The following FSTL5 variants were observed in gnomAD, a reference collection of about 807,000 sequenced individuals.
FSTL5 encodes the protein follistatin-related protein 5.
FSTL5 carries 62 observed loss-of-function variants against 89.1 expected under a neutral mutation model. The ratio of observed to expected loss-of-function variants is 0.70; its 90% CI spans 0.57 to 0.86. The LOEUF (loss-of-function observed/expected upper bound fraction) is 0.86, where lower values mean the gene tolerates loss of function less well. FSTL5 is among the 40% of genes least tolerant of loss of function. The pLI is 0.00. For synonymous variants in FSTL5, 383 were observed against 346.2 expected (o/e 1.11, Z -1.18); for missense variants, 1,057 against 1,001.6 (o/e 1.06, Z -0.75).
chr4:161,987,203 CT>C (rs1201927102), intron 3 of FSTL5, among the ~76,000 whole-genome samples: 6 of 151,998 alleles, frequency 3.9e-5, no homozygotes, highest in African/African-American at 4.8e-5. Context: ...ATCCTGCTCC[CT>C]TTCTTTTTTT....
chr4:162,121,892 T>C (rs1731876863), intron 1 of FSTL5, among the ~76,000 whole-genome samples: 1 of 152,118 alleles, frequency 6.6e-6, no homozygotes, highest in South Asian at 2.1e-4. Context: ...TTATAATGAC[T>C]GACTTCCACT....
In FSTL5 at chr4:161,402,988, AT is replaced by A. The variant is rs533153774; in HGVS notation, c.1842-16540del. On this transcript the variant is annotated intron_variant, in intron 15 of 15. Transcript: ENST00000306100. ...AGGTGCCTGCCACCACGCCCGGCTA[AT>A]TTTTTTTTTGTTTGTATTTTTAGTA... is the stretch of plus-strand genomic sequence containing the variant. Among the ~76,000 whole-genome samples the A allele has an allele frequency of 3.3e-3, 485 of 149,086 alleles. 1 individual carries two copies. Among genetic ancestry groups the A allele is most frequent in the Non-Finnish European group, 5.4e-3 (360 of 66,952 alleles).
At chr4:162,010,668 T>C (rs1736739293) in intron 3 of FSTL5, among the ~76,000 whole-genome samples, 1 of 152,248 alleles carries the variant, frequency 6.6e-6, no homozygotes, top group Admixed American at 6.5e-5. Context: ...TTGCCTATTC[T>C]GGTCATTTCA....
At position 161,786,427 on chromosome 4, in the gene FSTL5, T is replaced by C. The variant is rs1013286405; in HGVS notation, c.410-10353A>G. On this transcript the variant is annotated intron_variant, in intron 4 of 15. Transcript: ENST00000306100. ...GCAGAAAGCCATGTCCCTTAGGTTA[T>C]CCCAACTATTTGTTAACTGTGATTA... Among the ~76,000 whole-genome samples, 4 of 152,172 alleles carry C rather than the reference T, an allele frequency of 2.6e-5. No homozygotes were observed. The South Asian group carries it at 8.3e-4, about 32-fold the overall frequency.
At chr4:161,886,442 G>T (rs1488736235) in intron 4 of FSTL5, among the ~76,000 whole-genome samples, 4 of 152,174 alleles carry the variant, frequency 2.6e-5, no homozygotes. Context: ...TCAGAAGCTA[G>T]ATGACCAGCA....
intron 2 of FSTL5, among the ~76,000 whole-genome samples, chr4:162,044,151 C>T (rs1738082662): frequency 6.6e-6 from 1 of 152,138 alleles, no homozygotes; most frequent in African/African-American, 2.4e-5. Context: ...AGAGGAATCA[C>T]TGTCTATGAC....
intron 4 of FSTL5, among the ~76,000 whole-genome samples, chr4:161,824,803 A>G (rs111763625): frequency 0.091 from 13,776 of 152,154 alleles, 774 homozygotes; most frequent in African/African-American, 0.16. Flanking sequence ...ATAAAACTTC[A>G]GTGAATTCAT....
chr4:161,847,011 C>T (rs1731388806), intron 4 of FSTL5, among the ~76,000 whole-genome samples: 1 of 152,086 alleles, frequency 6.6e-6, no homozygotes, highest in Non-Finnish European at 1.5e-5. Context: ...GCTGTTATTT[C>T]AAGTAAGTGT....
chr4:161,825,008 G>A (rs553395612), intron 4 of FSTL5, among the ~76,000 whole-genome samples: 108 of 152,276 alleles, frequency 7.1e-4, no homozygotes, highest in Non-Finnish European at 1.3e-3. Context: ...TCTCCATTCA[G>A]TGTAATGTTG....
At chr4:161,986,188 T>C (rs1735958352) in intron 3 of FSTL5, among the ~76,000 whole-genome samples, 1 of 151,874 alleles carries the variant, frequency 6.6e-6, no homozygotes, top group Non-Finnish European at 1.5e-5. Context: ...CACTTGACAA[T>C]TGACAATTGT....
chr4:161,802,651 T>C (rs1729835128), intron 4 of FSTL5, among the ~76,000 whole-genome samples: 1 of 151,784 alleles, frequency 6.6e-6, no homozygotes, highest in African/African-American at 2.4e-5. Context: ...GCAGGTGTTA[T>C]GTCTCGGTAT....
At chr4:162,117,968 A>AT (rs1443246538) in intron 1 of FSTL5, among the ~76,000 whole-genome samples, 41 of 152,220 alleles carry the variant, frequency 2.7e-4, no homozygotes, top group African/African-American at 9.9e-4. Flanking sequence ...GAGTCGAAAA[A>AT]TTAAGTTGCA....
chr4:161,783,541 C>T (rs775425787), intron 4 of FSTL5, among the ~76,000 whole-genome samples: 1 of 149,776 alleles, frequency 6.7e-6, no homozygotes, highest in African/African-American at 2.4e-5. Flanking sequence ...TCTTTCAGTG[C>T]ATTATGTCTG....
At chr4:161,811,498 G>GA (rs770274228) in intron 4 of FSTL5, among the ~76,000 whole-genome samples, 1 of 151,920 alleles carries the variant, frequency 6.6e-6, no homozygotes, top group Non-Finnish European at 1.5e-5. Flanking sequence ...ACCTTTCACT[G>GA]AAAAAAGCTA....
intron 4 of FSTL5, among the ~76,000 whole-genome samples, chr4:161,912,369 G>A (rs534629697): frequency 6.6e-6 from 1 of 152,268 alleles, no homozygotes; most frequent in East Asian, 1.9e-4. Flanking sequence ...GAATTCCCAT[G>A]TGTTGTTGGA....
intron 6 of FSTL5, among the ~76,000 whole-genome samples, chr4:161,698,952 T>TCAAAA (rs139045378): frequency 0.069 from 10,387 of 151,522 alleles, 435 homozygotes; most frequent in South Asian, 0.19. Context: ...AGACTCTGTC[T>TCAAAA]CAAAACAAAA....
chr4:162,001,546 A>G (rs1331346760), intron 3 of FSTL5, among the ~76,000 whole-genome samples: 2 of 151,844 alleles, frequency 1.3e-5, no homozygotes, highest in Admixed American at 6.6e-5. Context: ...ATATGTTGTG[A>G]GTTGTCAGTT....
intron 1 of FSTL5, among the ~76,000 whole-genome samples, chr4:162,159,928 G>A (rs762121149): frequency 5.9e-5 from 9 of 151,750 alleles, no homozygotes; most frequent in East Asian, 5.8e-4. Context: ...CATTCTAGCC[G>A]AAATAAAAAA....
chr4:161,990,171 G>T (rs1234886070), intron 3 of FSTL5, among the ~76,000 whole-genome samples: 4 of 151,988 alleles, frequency 2.6e-5, no homozygotes, highest in Non-Finnish European at 5.9e-5. Flanking sequence ...CTAGGTTTTT[G>T]AATAGCCCAC....
Sources: allele counts gnomAD v4.1 joint callset (sites outside exome capture counted in the v4.1 genomes callset), GRCh38; gene constraint gnomAD v4.1.1; transcripts MANE v1.5; gene names NCBI Gene and HGNC (gene_info 2026-07-23, HGNC 2026-07-21).